Variants in GRM7 observed in about 807,000 individuals in gnomAD.
GRM7 encodes glutamate metabotropic receptor 7.
A neutral mutation model predicts 84.5 loss-of-function variants in GRM7; 35 were observed. The ratio of observed to expected loss-of-function variants is 0.41; its 90% CI spans 0.32 to 0.55. The LOEUF is 0.55. GRM7 is among the 20% of genes least tolerant of loss of function. The probability of loss-of-function intolerance (pLI) is 0.19; values close to 1 mark genes in which losing one functional copy is unlikely to be tolerated. For synonymous variants in GRM7, 487 were observed against 455.1 expected (o/e 1.07, Z -0.89); for missense variants, 1,003 against 1,194.6 (o/e 0.84, Z 2.36).
chr3:6,994,422 T>A (rs1694760528), intron 1 of GRM7, among the ~76,000 whole-genome samples: 1 of 152,210 alleles, frequency 6.6e-6, no homozygotes, highest in Admixed American at 6.5e-5. Context: ...GTTTTCATGT[T>A]AATGAAACAT....
rs1284874787 is a variant in GRM7, at chr3:6,947,985, T to C, written c.519+86078T>C. 2.6e-5 allele frequency among the ~76,000 whole-genome samples: 4 copies of C among 152,314 alleles called. No individual in the cohort carries two copies. In the East Asian group the frequency reaches 7.7e-4, roughly 29 times the overall value. ...TCTTGCTAGCAGTCTATCAATTTTG[T>C]TGATCTTTTCAAAAAACCAGCTCCT... On this transcript the variant is annotated intron_variant, in intron 1 of 9. Coordinates refer to ENST00000357716, the MANE Select transcript of GRM7 (RefSeq NM_000844.4).
At chr3:7,710,514 C>T (rs928876312) in intron 9 of GRM7, among the ~76,000 whole-genome samples, 3 of 151,706 alleles carry the variant, frequency 2.0e-5, no homozygotes, top group African/African-American at 7.3e-5. Flanking sequence ...GGAGCATTAT[C>T]AGGAAACCAA....
At chr3:7,233,112 T>G (rs1697246226) in intron 2 of GRM7, among the ~76,000 whole-genome samples, 1 of 152,204 alleles carries the variant, frequency 6.6e-6, no homozygotes. Flanking sequence ...GATATTTTTC[T>G]TAACTTCAAA....
chr3:7,579,088 A>T lies in GRM7; in HGVS notation c.2182A>T (p.Ile728Phe). 6.2e-7 allele frequency: 1 copy of T among 1,613,880 alleles called. No homozygotes were observed. Among genetic ancestry groups the T allele is most frequent in the Non-Finnish European group, 8.5e-7 (1 of 1,179,778 alleles). The change falls in exon 8 of 10, where the codon ATC becomes TTC. Residue 728 changes from isoleucine (I) to phenylalanine (F), a missense_variant. Around this residue, in one of 2 missense-constraint regions of GRM7, gnomAD observed 910 missense variants for 1,126.0 expected, o/e 0.81. Coordinates refer to ENST00000357716, the MANE Select transcript of GRM7 (RefSeq NM_000844.4). ...TTGGTTTGGTGTTGATCCACCCAACATCATCATAGACTATGATGAACACAA... is the reference window on the plus strand; with the variant it reads ...TTGGTTTGGTGTTGATCCACCCAACTTCATCATAGACTATGATGAACACAA... ...FIWFGVDPPN[I>F]IIDYDEHKTM... is the part of the protein sequence containing the mutation.
intron 1 of GRM7, among the ~76,000 whole-genome samples, chr3:7,041,859 C>T (rs1216016579): frequency 6.6e-6 from 1 of 152,196 alleles, no homozygotes; most frequent in Non-Finnish European, 1.5e-5. Context: ...CTTCTGCTCG[C>T]CTCTAAGGAG....
intron 5 of GRM7, among the ~76,000 whole-genome samples, chr3:7,440,185 G>T (rs916081254): frequency 4.6e-5 from 7 of 152,156 alleles, no homozygotes; most frequent in Non-Finnish European, 8.8e-5. Context: ...TTCTGAGAAT[G>T]TTCTAGAGGA....
At chr3:7,483,672 A>G (rs1460871167) in intron 7 of GRM7, among the ~76,000 whole-genome samples, 1 of 152,174 alleles carries the variant, frequency 6.6e-6, no homozygotes, top group Non-Finnish European at 1.5e-5. Flanking sequence ...GGTTTTGAGG[A>G]TGGAGGTTGA....
At chr3:7,665,746 T>A (rs1345326564) in intron 8 of GRM7, among the ~76,000 whole-genome samples, 1 of 152,184 alleles carries the variant, frequency 6.6e-6, no homozygotes, top group Non-Finnish European at 1.5e-5. Context: ...AACTTTCTTC[T>A]TAGCTTTGCT....
intron 8 of GRM7, among the ~76,000 whole-genome samples, chr3:7,627,558 T>C (rs1280030275): frequency 6.6e-6 from 1 of 152,100 alleles, no homozygotes; most frequent in Non-Finnish European, 1.5e-5. Context: ...CTAGCCAGAG[T>C]TGAAAGCTTA....
intron 2 of GRM7, among the ~76,000 whole-genome samples, chr3:7,251,249 A>G (rs781635040): frequency 6.6e-6 from 1 of 152,146 alleles, no homozygotes; most frequent in African/African-American, 2.4e-5. Flanking sequence ...GAATAACCAG[A>G]AAGAATTTTA....
Position 7,115,797 on chromosome 3 carries a change from A to G in GRM7, c.520-30655A>G, listed in dbSNP as rs553331457. Reference sequence around the variant, plus strand: ...TTCTGTACAAATAGAAGGTTTAGTAAGAGAGAGCCTGAATCAATAAGCATA... The same window carrying G: ...TTCTGTACAAATAGAAGGTTTAGTAGGAGAGAGCCTGAATCAATAAGCATA... On this transcript the variant is annotated intron_variant, in intron 1 of 9. Coordinates refer to ENST00000357716, the MANE Select transcript of GRM7 (RefSeq NM_000844.4). 2.0e-5 allele frequency among the ~76,000 whole-genome samples: 3 copies of G among 152,304 alleles called. No individual in the cohort carries two copies. The South Asian group carries it at 6.2e-4, about 32-fold the overall frequency.
intron 4 of GRM7, among the ~76,000 whole-genome samples, chr3:7,377,311 C>T (rs895886037): frequency 3.3e-5 from 5 of 152,174 alleles, no homozygotes; most frequent in Non-Finnish European, 5.9e-5. Context: ...CTTGCCTGAA[C>T]TAAGGGTAAC....
At chr3:7,673,894 C>T (rs1346453277) in intron 8 of GRM7, among the ~76,000 whole-genome samples, 2 of 152,138 alleles carry the variant, frequency 1.3e-5, no homozygotes, top group Non-Finnish European at 2.9e-5. Flanking sequence ...TCAATTTCTT[C>T]AGGATGAATT....
intron 9 of GRM7, among the ~76,000 whole-genome samples, chr3:7,721,240 G>C (rs1397915627): frequency 6.6e-6 from 1 of 152,166 alleles, no homozygotes; most frequent in African/African-American, 2.4e-5. Flanking sequence ...TTTTCATAAA[G>C]ATTCATCCCA....
chr3:7,451,134 A>G (rs1697748686), intron 5 of GRM7, among the ~76,000 whole-genome samples: 1 of 152,206 alleles, frequency 6.6e-6, no homozygotes. Context: ...AGTGAAATGC[A>G]ATTTGTGGAT....
At chr3:6,980,036 A>G (rs755587052) in intron 1 of GRM7, among the ~76,000 whole-genome samples, 1 of 152,094 alleles carries the variant, frequency 6.6e-6, no homozygotes, top group Non-Finnish European at 1.5e-5. Flanking sequence ...TTTGTTTACC[A>G]TCTACCTTCT....
intron 1 of GRM7, among the ~76,000 whole-genome samples, chr3:7,139,369 G>A (rs1454750467): frequency 1.3e-5 from 2 of 151,636 alleles, no homozygotes; most frequent in South Asian, 2.1e-4. Context: ...TTAATCTGAA[G>A]CATCAATATA....
At chr3:7,060,560 T>C (rs1697402706) in intron 1 of GRM7, among the ~76,000 whole-genome samples, 1 of 151,790 alleles carries the variant, frequency 6.6e-6, no homozygotes, top group South Asian at 2.1e-4. Flanking sequence ...AGAGAGCTGA[T>C]CATGAGTCAG....
intron 8 of GRM7, chr3:7,607,599 T>C (rs1451183226): frequency 6.6e-6 from 1 of 152,126 alleles, no homozygotes; most frequent in East Asian, 1.9e-4. Flanking sequence ...ATAAATTTTA[T>C]CTTGTAACCA....
Sources: allele counts gnomAD v4.1 joint callset (sites outside exome capture counted in the v4.1 genomes callset), GRCh38; gene constraint gnomAD v4.1.1; regional missense constraint gnomAD v4.1.1; transcripts MANE v1.5; gene names NCBI Gene and HGNC (gene_info 2026-07-23, HGNC 2026-07-21).